RBM6: variants seen among roughly 807,000 people sequenced by gnomAD.
RBM6 encodes the protein RNA-binding protein 6.
In RBM6, 23 loss-of-function variants were observed where a neutral mutation model predicts 140.4. The observed-to-expected ratio is 0.16, with a 90% CI of 0.12 to 0.23. The LOEUF (loss-of-function observed/expected upper bound fraction) is 0.23, where lower values mean the gene tolerates loss of function less well. Among genes scored for constraint, RBM6 ranks in the 10% least tolerant of loss-of-function variants. RBM6 has a pLI of 1.00. For synonymous variants in RBM6, 439 were observed against 475.6 expected (o/e 0.92, Z 1.00); for missense variants, 1,139 against 1,386.7 (o/e 0.82, Z 2.84).
chr3:50,054,371 T>A lies in RBM6; in HGVS notation c.1669T>A (p.Ser557Thr). Reference sequence around the variant, plus strand: ...CATTGGTGGGCACCGATCTTCCTGTTCATTCTGCAAGAACCCAAGAGAAGG... The same window carrying A: ...CATTGGTGGGCACCGATCTTCCTGTACATTCTGCAAGAACCCAAGAGAAGG... ...ANIGGHRSSC[S>T]FCKNPREVTE... is the part of the protein sequence containing the mutation. Residue 557 changes from serine (S) to threonine (T), a missense_variant, in exon 8 of 21, where the codon TCA (serine) becomes ACA (threonine). This residue lies in a region of RBM6 where 58 missense variants were observed against 99.7 expected (regional missense o/e 0.58). Coordinates refer to ENST00000266022, the MANE Select transcript of RBM6 (RefSeq NM_005777.3). The A allele has an allele frequency of 6.2e-7, 1 of 1,613,358 alleles. No individual in the cohort carries two copies. The highest frequency in any genetic ancestry group is 8.5e-7 in the Non-Finnish European group (1 of 1,179,270).
At chr3:50,054,986 G>C (rs550096725) in intron 8 of RBM6, among the ~76,000 whole-genome samples, 5 of 152,228 alleles carry the variant, frequency 3.3e-5, no homozygotes, top group African/African-American at 1.2e-4. Context: ...ACCATGCCCA[G>C]CTAATTATTT....
chr3:50,067,233 C>T (rs2090153614), intron 17 of RBM6, among the ~76,000 whole-genome samples: 1 of 149,004 alleles, frequency 6.7e-6, no homozygotes, highest in Admixed American at 6.7e-5. Context: ...CTTATACAAT[C>T]CTTCCTCAGT....
chr3:49,996,142 T>A (rs1329944792), intron 5 of RBM6, among the ~76,000 whole-genome samples: 1 of 152,180 alleles, frequency 6.6e-6, no homozygotes. Flanking sequence ...TTTCTCTGAG[T>A]GGGCATTCAC....
At chr3:49,964,848 C>A (rs1303769299) in intron 2 of RBM6, among the ~76,000 whole-genome samples, 1 of 152,080 alleles carries the variant, frequency 6.6e-6, no homozygotes, top group Non-Finnish European at 1.5e-5. Context: ...GAACATTTGT[C>A]TTTGACTCGT....
At chr3:49,981,255 A>G (rs1286918501) in intron 5 of RBM6, among the ~76,000 whole-genome samples, 1 of 152,176 alleles carries the variant, frequency 6.6e-6, no homozygotes, top group Non-Finnish European at 1.5e-5. Flanking sequence ...ACTGCAATCA[A>G]CAGCTTATGT....
At position 49,972,052 on chromosome 3, in the gene RBM6, A is replaced by G. The variant is rs769001173; in HGVS notation, c.1324-7A>G. ...TTTGTGAAATAATTTTTCATTCTCAATTTAAGGATCAAGATTATAGGACCG... is the reference window on the plus strand; with the variant it reads ...TTTGTGAAATAATTTTTCATTCTCAGTTTAAGGATCAAGATTATAGGACCG... On this transcript the variant is annotated splice_region_variant and splice_polypyrimidine_tract_variant and intron_variant, in intron 3 of 20. Coordinates refer to ENST00000266022, the MANE Select transcript of RBM6 (RefSeq NM_005777.3). 5.0e-6 allele frequency: 8 copies of G among 1,593,972 alleles called. No homozygotes were observed. In the East Asian group the frequency reaches 1.8e-4, roughly 36 times the overall value.
intron 5 of RBM6, among the ~76,000 whole-genome samples, chr3:49,990,136 T>C (rs547465979): frequency 7.3e-4 from 111 of 152,298 alleles, no homozygotes; most frequent in African/African-American, 2.5e-3. Context: ...TTAAATACAG[T>C]CATGCATTGC....
At chr3:50,009,668 C>T (rs2086752400) in intron 6 of RBM6, among the ~76,000 whole-genome samples, 1 of 151,672 alleles carries the variant, frequency 6.6e-6, no homozygotes, top group Non-Finnish European at 1.5e-5. Context: ...GCCATCCTCC[C>T]TACCTCAGCC....
chr3:49,961,503 A>G (rs2084279717), intron 1 of RBM6, among the ~76,000 whole-genome samples: 1 of 152,012 alleles, frequency 6.6e-6, no homozygotes. Flanking sequence ...CATTTTAATT[A>G]AAAACTTATT....
intron 3 of RBM6, among the ~76,000 whole-genome samples, chr3:49,971,206 C>CGGGGAGGCAGAGGTTGT (rs1330291888): frequency 2.8e-5 from 4 of 142,980 alleles, no homozygotes; most frequent in Non-Finnish European, 4.5e-5. Context: ...GCAGAGGTTG[C>CGGGGAGGCAGAGGTTGT]GGGGAGGCAG....
In RBM6 at chr3:50,026,772, G is replaced by A. The variant is rs1287482613; in HGVS notation, c.1558-21473G>A. ...ACCAAAAAATACAAAAATTAGGCAG[G>A]TGTGGTGGCGTGCACCTGTAGTCCC... On this transcript the variant is annotated intron_variant, in intron 6 of 20. Transcript: ENST00000266022. 5.3e-5 allele frequency among the ~76,000 whole-genome samples: 8 copies of A among 152,106 alleles called. 1 individual carries two copies. In the South Asian group the frequency reaches 6.2e-4, roughly 12 times the overall value.
At chr3:50,054,287 G>A in intron 7 of RBM6, 48 bp from the exon 8 acceptor site, 1 of 1,497,304 alleles carries the variant, frequency 6.7e-7, no homozygotes, top group Non-Finnish European at 9.3e-7. Context: ...ATATACATAA[G>A]ATTTTTAAAA....
intron 15 of RBM6, 60 bp downstream of exon 15, chr3:50,062,168 C>A (rs747736809): frequency 6.4e-7 from 1 of 1,551,584 alleles, no homozygotes; most frequent in East Asian, 2.3e-5. Context: ...GTTGGAGGTA[C>A]GAACAGAGGA....
intron 6 of RBM6, among the ~76,000 whole-genome samples, chr3:50,025,200 A>G (rs2087732908): frequency 6.6e-6 from 1 of 151,874 alleles, no homozygotes; most frequent in Non-Finnish European, 1.5e-5. Context: ...TGAGGTGGGC[A>G]GATCACCTGA....
At chr3:50,060,564 G>A (rs529377051) in intron 11 of RBM6, among the ~76,000 whole-genome samples, 6 of 146,742 alleles carry the variant, frequency 4.1e-5, no homozygotes, top group East Asian at 2.1e-4. Flanking sequence ...TGGCTAACAC[G>A]GTAAAACCCC....
chr3:49,992,423 G>T (rs1449729652), intron 5 of RBM6, among the ~76,000 whole-genome samples: 2 of 152,204 alleles, frequency 1.3e-5, no homozygotes, highest in African/African-American at 4.8e-5. Context: ...CAGGAAATTC[G>T]TACTGCCTTT....
intron 14 of RBM6, 36 bp downstream of exon 14, chr3:50,061,583 TTAC>T: frequency 1.4e-6 from 2 of 1,476,912 alleles, no homozygotes; most frequent in Non-Finnish European, 1.8e-6. Flanking sequence ...TTTTTTTTTT[TTAC>T]CTCTGTCAAT....
intron 5 of RBM6, among the ~76,000 whole-genome samples, chr3:49,986,651 CTG>C (rs1195846951): frequency 6.6e-6 from 1 of 151,590 alleles, no homozygotes; most frequent in Non-Finnish European, 1.5e-5. Context: ...TACTCTCTAA[CTG>C]TGAAGAAGTT....
chr3:50,006,950 CTG>C (rs2086609837), intron 6 of RBM6, among the ~76,000 whole-genome samples: 1 of 149,836 alleles, frequency 6.7e-6, no homozygotes, highest in South Asian at 2.1e-4. Flanking sequence ...AAAAAAAGAA[CTG>C]GGGCTGGCAC....
Sources: gnomAD v4.1 joint callset for allele counts (sites outside exome capture counted in the v4.1 genomes callset) on GRCh38, gnomAD v4.1.1 for gene constraint, gnomAD v4.1.1 regional missense constraint, MANE v1.5 for transcripts, NCBI Gene and HGNC (gene_info 2026-07-23, HGNC 2026-07-21) for gene names.